Variants in BET1 observed in about 807,000 individuals in gnomAD.
BET1 encodes the protein Bet1 golgi vesicular membrane trafficking protein, also known as BET1 homolog.
Under a neutral mutation model 13.9 loss-of-function variants are expected in BET1, and 9 were observed. That is an observed-to-expected ratio of 0.65 (90% confidence interval 0.39 to 1.13). The LOEUF is 1.13. Among genes scored for constraint, BET1 ranks in the 50% most tolerant of loss-of-function variants. The pLI is 0.01. For synonymous variants in BET1, 39 were observed against 47.3 expected (o/e 0.82, Z 0.72); for missense variants, 127 against 133.6 (o/e 0.95, Z 0.24).
At chr7:93,978,064 G>T (rs892319112) in intron 4 of BET1, among the ~76,000 whole-genome samples, 1 of 142,728 alleles carries the variant, frequency 7.0e-6, no homozygotes, top group East Asian at 2.2e-4. Context: ...TGTGGCATCT[G>T]CAACTTTGTT....
chr7:93,969,456 A>C (rs1795225975), intron 6 of BET1: 1 of 151,810 alleles, frequency 6.6e-6, no homozygotes, highest in South Asian at 2.1e-4. Context: ...TCAAACTATC[A>C]ATTTAACAAG....
intron 6 of BET1, among the ~76,000 whole-genome samples, chr7:93,970,954 C>G (rs1795250159): frequency 6.6e-6 from 1 of 151,622 alleles, no homozygotes; most frequent in South Asian, 2.1e-4. Flanking sequence ...TATATCTTGC[C>G]TGGTCCCTGA....
At chr7:93,999,041 G>T in intron 2 of BET1, 129 bp downstream of exon 2, 1 of 643,584 alleles carries the variant, frequency 1.6e-6, no homozygotes, top group Non-Finnish European at 2.3e-6. Flanking sequence ...AGTGTACTTT[G>T]ACCTCACAAA....
At chr7:93,967,995 A>G (rs1399332167) in intron 6 of BET1, among the ~76,000 whole-genome samples, 1 of 151,822 alleles carries the variant, frequency 6.6e-6, no homozygotes, top group Non-Finnish European at 1.5e-5. Flanking sequence ...TGTTAAAATG[A>G]CATCCCATTT....
chr7:93,969,911 AAAACAATGTATACT>A (rs1795232081), intron 6 of BET1, among the ~76,000 whole-genome samples: 1 of 151,680 alleles, frequency 6.6e-6, no homozygotes, highest in South Asian at 2.1e-4. Flanking sequence ...TGAATTGCAG[AAAACAATGTATACT>A]ATTTGAAATC....
At chr7:93,976,103 G>A in intron 4 of BET1, 2 of 1,205,368 alleles carry the variant, frequency 1.7e-6, no homozygotes, top group Non-Finnish European at 2.1e-6. Context: ...AGGATCCACT[G>A]TAAAAACAGA....
intron 3 of BET1, among the ~76,000 whole-genome samples, chr7:93,995,795 T>C (rs1259425984): frequency 6.6e-6 from 1 of 152,096 alleles, no homozygotes; most frequent in Non-Finnish European, 1.5e-5. Context: ...AAGGTATATG[T>C]TGTTAGAGAG....
chr7:93,970,004 C>A (rs1279689222), intron 6 of BET1, among the ~76,000 whole-genome samples: 2 of 151,592 alleles, frequency 1.3e-5, no homozygotes, highest in Admixed American at 1.3e-4. Context: ...CTTTTTTGGT[C>A]TTCACAGAGA....
At chr7:93,995,657 A>C (rs1450917608) in intron 3 of BET1, among the ~76,000 whole-genome samples, 2 of 152,228 alleles carry the variant, frequency 1.3e-5, no homozygotes, top group Non-Finnish European at 2.9e-5. Flanking sequence ...CTTAGCAAGA[A>C]CATTGCTTTT....
intron 1 of BET1, among the ~76,000 whole-genome samples, chr7:94,003,939 G>A (rs1795969188): frequency 1.3e-5 from 2 of 151,946 alleles, no homozygotes; most frequent in African/African-American, 4.8e-5. Flanking sequence ...CCACTGAGAT[G>A]CCACCTGTAC....
chr7:93,999,802 C>T, intron 1 of BET1: 1 of 417,662 alleles, frequency 2.4e-6, no homozygotes, highest in South Asian at 1.7e-5. Context: ...AGGGAGGGGG[C>T]AAACTGAAGC....
At chr7:93,975,545 A>G (rs914048069) in intron 5 of BET1, among the ~76,000 whole-genome samples, 2 of 152,102 alleles carry the variant, frequency 1.3e-5, no homozygotes, top group Non-Finnish European at 2.9e-5. Flanking sequence ...AAAAATTAAC[A>G]AATCGTGTTT....
At chr7:93,985,651 T>G (rs1562803553) in intron 4 of BET1, among the ~76,000 whole-genome samples, 2 of 152,198 alleles carry the variant, frequency 1.3e-5, no homozygotes, top group Non-Finnish European at 2.9e-5. Context: ...TAAACTGTGT[T>G]CAAACCAAAT....
chr7:93,992,241 C>T (rs1795651332), downstream of BET1: 1 of 985,338 alleles, frequency 1.0e-6, no homozygotes, highest in Non-Finnish European at 1.2e-6. Flanking sequence ...ATGAGAATCA[C>T]TTTTATACCA....
chr7:94,004,354 G>C lies in BET1; in HGVS notation c.-138C>G. The C allele has an allele frequency of 8.3e-7, 1 of 1,209,334 alleles. No individual in the cohort carries two copies. Among genetic ancestry groups the C allele is most frequent in the Non-Finnish European group, 1.2e-6 (1 of 828,450 alleles). The allele number at this position is 1,209,334 out of a possible 1,614,324, so 74.9% of individuals were successfully genotyped here. ...CTTCCCCTAAAGCGCCACGACATCA[G>C]TGGAGTCTAAACACCGCGCCGGATG... On this transcript the variant is annotated 5_prime_UTR_variant, in exon 1 of 4. Coordinates refer to ENST00000222547, the MANE Select transcript of BET1 (RefSeq NM_005868.6).
intron 1 of BET1, among the ~76,000 whole-genome samples, chr7:94,001,848 TTA>T (rs549610647): frequency 6.5e-4 from 99 of 152,356 alleles, no homozygotes; most frequent in Non-Finnish European, 1.2e-3. Context: ...AAGGAATTCA[TTA>T]TAAATTAACT....
chr7:93,989,395 TA>T (rs538168036), downstream of BET1, among the ~76,000 whole-genome samples: 5 of 151,654 alleles, frequency 3.3e-5, no homozygotes, highest in African/African-American at 7.3e-5. Context: ...GTTTCTTTTT[TA>T]AAAAAAAATA....
intron 4 of BET1, among the ~76,000 whole-genome samples, chr7:93,981,489 A>G (rs1361745279): frequency 1.3e-5 from 2 of 152,184 alleles, no homozygotes; most frequent in Admixed American, 1.3e-4. Flanking sequence ...CCTGATTCAA[A>G]AGCTTATTGG....
rs1177145733 is a variant in BET1 at position 93,969,630 on chromosome 7, T to A, written c.*137+2945A>T. ...AAAGCAGAAGAAACCCAAATTATAA[T>A]CCATAAGGTATTCACCTGAGCACAT... On this transcript the variant is annotated intron_variant and NMD_transcript_variant, in intron 6 of 6. Transcript: ENST00000357520. 2.0e-5 allele frequency: 3 copies of A among 151,670 alleles called. No individual in the cohort carries two copies. The East Asian group carries it at 5.8e-4, about 29-fold the overall frequency. The allele number at this position is 151,670 out of a possible 1,614,324, so 9.4% of individuals were successfully genotyped here.
Sources: gnomAD v4.1 joint callset for allele counts (sites outside exome capture counted in the v4.1 genomes callset) on GRCh38, gnomAD v4.1.1 for gene constraint, MANE v1.5 for transcripts, NCBI Gene and HGNC (gene_info 2026-07-23, HGNC 2026-07-21) for gene names.